Variants in RYR1 observed in about 807,000 individuals in gnomAD.
The protein encoded by RYR1 is central core disease of muscle.
A neutral mutation model predicts 583.5 loss-of-function variants in RYR1; 342 were observed. The ratio of observed to expected loss-of-function variants is 0.59; its 90% CI spans 0.54 to 0.64. The LOEUF is 0.64. Among genes scored for constraint, RYR1 ranks in the 30% least tolerant of loss-of-function variants. RYR1 has a pLI of 0.00. For missense variants in RYR1, 6,032 were observed against 6,917.2 expected, an observed-to-expected ratio of 0.87 and a Z score of 4.54; for synonymous variants, 2,791 against 2,822.5, an observed-to-expected ratio of 0.99 and a Z score of 0.35.
At position 38,516,171 on chromosome 19, in the gene RYR1, C is replaced by T; in HGVS notation, c.9639C>T (p.Tyr3213=). 1 of 1,565,314 alleles carries T rather than the reference C, an allele frequency of 6.4e-7. No individual in the cohort carries two copies. ...TCCTGGAGCCGCAGCTGAACGAGTA[C>T]AACGCCTGCTCCGTGTACACCACCA... is the stretch of plus-strand genomic sequence containing the variant. The part of the protein sequence containing the change: ...VAFLEPQLNE[Y]NACSVYTTKS... The change falls in exon 65 of 106, where the codon TAC becomes TAT. Residue 3213 remains tyrosine (Y), a synonymous_variant. Transcript: ENST00000359596.
Position 38,586,139 on chromosome 19 carries a change from C to G in RYR1, c.14917C>G (p.Pro4973Ala), listed in dbSNP as rs747622915. 6.2e-7 allele frequency: 1 copy of G among 1,614,026 alleles called. No homozygotes were observed. The highest frequency in any genetic ancestry group is 1.1e-5 in the South Asian group (1 of 91,086). The change falls in exon 104 of 106, where the codon CCG becomes GCG. Residue 4973 changes from proline (P) to alanine (A), a missense_variant. This residue lies in a region of RYR1 where 189 missense variants were observed against 350.3 expected (regional missense o/e 0.54). Coordinates refer to ENST00000359596, the MANE Select transcript of RYR1 (RefSeq NM_000540.3). Reference protein sequence around the residue: ...GIGSDYFDTTPHGFETHTLEE... With the variant: ...GIGSDYFDTTAHGFETHTLEE... ...CGGCAGTGACTACTTTGATACGACACCGCATGGCTTCGAGACTCACACGCT... is the reference window on the plus strand; with the variant it reads ...CGGCAGTGACTACTTTGATACGACAGCGCATGGCTTCGAGACTCACACGCT...
In RYR1 at chr19:38,441,511, C is replaced by T. The variant is rs577051627; in HGVS notation, c.165+647C>T. Among the ~76,000 whole-genome samples, 386 of 145,518 alleles carry T rather than the reference C, an allele frequency of 2.7e-3. 2 individuals carry two copies. Among genetic ancestry groups the T allele is most frequent in the Admixed American group, 4.4e-3 (64 of 14,514 alleles). Reference sequence around the variant, plus strand: ...TCTGAGGGAAGGTGATCCCCAAGTCCGAGCTCGGGAATTCTGAGGGTGGGG... The same window carrying T: ...TCTGAGGGAAGGTGATCCCCAAGTCTGAGCTCGGGAATTCTGAGGGTGGGG... On this transcript the variant is annotated intron_variant, in intron 2 of 105. Transcript: ENST00000359596.
intron 13 of RYR1, among the ~76,000 whole-genome samples, chr19:38,454,147 C>T (rs1205139970): frequency 6.6e-6 from 1 of 152,188 alleles, no homozygotes; most frequent in Admixed American, 6.5e-5. Context: ...AATGATTCTC[C>T]TGCCTCCTCA....
rs756487708 is a variant in RYR1, at chr19:38,517,533, G to A, written c.9860G>A (p.Arg3287His). The part of the protein sequence containing the change: ...LCSYLPRWWE[R>H]GPEAPPSALP... The stretch of plus-strand genomic sequence containing the variant: ...AGCTACCTGCCCCGATGGTGGGAGC[G>A]CGGGCCCGAGGCACCCCCTTCCGCC... The change falls in exon 66 of 106, where the codon CGC (arginine) becomes CAC (histidine). Residue 3287 changes from arginine to histidine, a missense_variant. By Grantham distance (29) the Arg-to-His change is conservative. This residue lies in a region of RYR1 where 1,493 missense variants were observed against 1,715.5 expected (regional missense o/e 0.87). Coordinates refer to ENST00000359596, the MANE Select transcript of RYR1 (RefSeq NM_000540.3). 1.2e-5 allele frequency: 19 copies of A among 1,613,844 alleles called. No individual in the cohort carries two copies. Among genetic ancestry groups the A allele is most frequent in the East Asian group, 4.5e-5 (2 of 44,868 alleles).
chr19:38,455,650 T>A lies in RYR1; in HGVS notation c.1690T>A (p.Tyr564Asn). 6.2e-7 allele frequency: 1 copy of A among 1,613,662 alleles called. No individual in the cohort carries two copies. The highest frequency in any genetic ancestry group is 8.5e-7 in the Non-Finnish European group (1 of 1,179,592). ...CCTGGCAGGCATCCTGGAGGTCCTG[T>A]ACTGTGTCCTCATTGAGAGTCCAGA... ...EASSGILEVL[Y>N]CVLIESPEVL... is the part of the protein sequence containing the mutation. The change falls in exon 16 of 106, where the codon TAC (tyrosine) becomes AAC (asparagine). Residue 564 changes from tyrosine to asparagine, a missense_variant. Tyr to Asn is a moderately radical substitution (Grantham distance 143, BLOSUM62 -2). Coordinates refer to ENST00000359596, the MANE Select transcript of RYR1 (RefSeq NM_000540.3).
Position 38,564,867 on chromosome 19 carries a change from C to T in RYR1, c.12625-92C>T, listed in dbSNP as rs991528162. ...ACAATGCATTTAGAACAGCGCCTGC[C>T]GCGGTGACCCCTTGTAGCTGCCACT... On this transcript the variant is annotated intron_variant, in intron 90 of 105. Coordinates refer to ENST00000359596, the MANE Select transcript of RYR1 (RefSeq NM_000540.3). The T allele has an allele frequency of 3.1e-5, 47 of 1,525,440 alleles. 1 individual carries two copies. The South Asian group carries it at 4.4e-4, about 14-fold the overall frequency. 94.5% of individuals were successfully genotyped at this position (1,525,440 alleles called of 1,614,324 possible).
At chr19:38,570,479 A>G in intron 93 of RYR1, 128 bp from the exon 94 acceptor site, 3 of 528,462 alleles carry the variant, frequency 5.7e-6, no homozygotes, top group Non-Finnish European at 1.0e-5. Flanking sequence ...TAATTAATAA[A>G]TAAATAGGAG....
At position 38,477,697 on chromosome 19, in the gene RYR1, C is replaced by T. The variant is rs1427898760; in HGVS notation, c.4294-13C>T. The stretch of plus-strand genomic sequence containing the variant: ...TCCAGACTGACCACTAGTTCCCCTC[C>T]TTGTGTCACCAGTACTATTACTCCG... On this transcript the variant is annotated splice_polypyrimidine_tract_variant and intron_variant, in intron 29 of 105. Transcript: ENST00000359596. 4 of 1,614,112 alleles carry T rather than the reference C, an allele frequency of 2.5e-6. No individual in the cohort carries two copies. In the South Asian group the frequency reaches 3.3e-5, roughly 13 times the overall value.
rs201360796 is a variant in RYR1, at chr19:38,580,339, C to T, written c.14512-31C>T. The T allele has an allele frequency of 8.7e-6, 14 of 1,612,602 alleles. No individual in the cohort carries two copies. The highest frequency in any genetic ancestry group is 2.2e-5 in the East Asian group (1 of 44,862). ...GGGTGGGGGGAGGGCAAGCCCAGGG[C>T]GGAGCTGACCTGGCCCCATCCTGCC... On this transcript the variant is annotated intron_variant, in intron 100 of 105. Transcript: ENST00000359596.
At chr19:38,448,237 G>A in intron 9 of RYR1, 118 bp from the exon 10 acceptor site, 1 of 1,178,384 alleles carries the variant, frequency 8.5e-7, no homozygotes, top group Non-Finnish European at 1.2e-6. Context: ...TTCAAGATCA[G>A]CTTGGGCAAC....
In RYR1 at chr19:38,469,020, G is replaced by A. The variant is rs765011921; in HGVS notation, c.3436G>A (p.Asp1146Asn). The A allele has an allele frequency of 2.5e-6, 4 of 1,614,128 alleles. No homozygotes were observed. The highest frequency in any genetic ancestry group is 4.5e-5 in the East Asian group (2 of 44,886). Reference sequence around the variant, plus strand: ...ATTTGGGCGCCCCTGGCAGCCGGGCGATGTCGTTGGCTGTATGATCGACCT... The same window carrying A: ...ATTTGGGCGCCCCTGGCAGCCGGGCAATGTCGTTGGCTGTATGATCGACCT... ...EPFGRPWQPGDVVGCMIDLTE... is the reference protein window; with the variant it reads ...EPFGRPWQPGNVVGCMIDLTE... The change falls in exon 26 of 106, where the codon GAT becomes AAT. Residue 1146 changes from aspartate (D) to asparagine (N), a missense_variant. Coordinates refer to ENST00000359596, the MANE Select transcript of RYR1 (RefSeq NM_000540.3).
Position 38,505,803 on chromosome 19 carries a change from C to A in RYR1, c.8401-3C>A. The A allele has an allele frequency of 6.2e-7, 1 of 1,614,084 alleles. No individual in the cohort carries two copies. The highest frequency in any genetic ancestry group is 1.6e-4 in the Middle Eastern group (1 of 6,062). ...CAACTCCCCACCCTCCTGTCCACCC[C>A]AGGACAAAGAGATTTACCGCTGGCC... On this transcript the variant is annotated splice_region_variant and splice_polypyrimidine_tract_variant and intron_variant, in intron 53 of 105. Coordinates refer to ENST00000359596, the MANE Select transcript of RYR1 (RefSeq NM_000540.3).
At position 38,565,848 on chromosome 19, in the gene RYR1, GACACACACA is replaced by G; in HGVS notation, c.13437+78_13437+86del. On this transcript the variant is annotated intron_variant, in intron 91 of 105. Coordinates refer to ENST00000359596, the MANE Select transcript of RYR1 (RefSeq NM_000540.3). This position sits in a 1 kb window ranked among gnomAD's most constrained non-coding sequence, Gnocchi z 4.7. ...GAGGAAGAGAGCCCGGCTGGGTGGAGACACACACAGAGGAGAGAACTGGCTAGGGGGATG... is the reference window on the plus strand; with the variant it reads ...GAGGAAGAGAGCCCGGCTGGGTGGAGGAGGAGAGAACTGGCTAGGGGGATG... 7.5e-7 allele frequency: 1 copy of G among 1,337,614 alleles called. No individual in the cohort carries two copies. Among genetic ancestry groups the G allele is most frequent in the African/African-American group, 1.5e-5 (1 of 64,876 alleles). The allele number at this position is 1,337,614 out of a possible 1,614,324, so 82.9% of individuals were successfully genotyped here. A position where few individuals can be genotyped will look rare whatever the true frequency, so the allele number is the denominator to read the frequency against.
At position 38,512,634 on chromosome 19, in the gene RYR1, G is replaced by C; in HGVS notation, c.9472+151G>C. On this transcript the variant is annotated intron_variant, in intron 63 of 105. Coordinates refer to ENST00000359596, the MANE Select transcript of RYR1 (RefSeq NM_000540.3). This position sits in a 1 kb window ranked among gnomAD's most constrained non-coding sequence, Gnocchi z 5.1. ...GTCAGTACCTTGGCAGGTGGCAAAT[G>C]AGTTAATGAGGACGCGAGCTCAGCA... 1 of 768,866 alleles carries C rather than the reference G, an allele frequency of 1.3e-6. No individual in the cohort carries two copies. The highest frequency in any genetic ancestry group is 2.2e-6 in the Non-Finnish European group (1 of 451,344). The allele number at this position is 768,866 out of a possible 1,614,324, so 47.6% of individuals were successfully genotyped here.
intron 105 of RYR1, among the ~76,000 whole-genome samples, 166 bp from the exon 106 acceptor site, chr19:38,587,159 C>A (rs1297632193): frequency 2.6e-5 from 4 of 151,828 alleles, no homozygotes; most frequent in Non-Finnish European, 5.9e-5. Flanking sequence ...ACTCTGGAGA[C>A]TGAGGTGGAG....
intron 89 of RYR1, among the ~76,000 whole-genome samples, chr19:38,553,714 T>G (rs929774288): frequency 6.6e-6 from 1 of 152,182 alleles, no homozygotes; most frequent in East Asian, 1.9e-4. Flanking sequence ...CTCCTGCTCT[T>G]TTCCAATCCA....
At position 38,506,869 on chromosome 19, in the gene RYR1, C is replaced by A. The variant is rs200427576; in HGVS notation, c.8733C>A (p.Leu2911=). The A allele has an allele frequency of 1.6e-4, 255 of 1,614,008 alleles. No homozygotes were observed. The highest frequency in any genetic ancestry group is 4.7e-4 in the East Asian group (21 of 44,870). The stretch of plus-strand genomic sequence containing the variant: ...CCCTGCTGGTCCCCTACGACACGCT[C>A]ACGGCCAAGGAGAAGGCACGAGATC... ...THPLLVPYDT[L]TAKEKARDRE... is the part of the protein sequence containing the mutation. The change falls in exon 57 of 106, where the codon CTC becomes CTA. Residue 2911 remains leucine (L), a synonymous_variant. Transcript: ENST00000359596.
chr19:38,568,009 A>T (rs1716220119), intron 93 of RYR1, 92 bp downstream of exon 93: 1 of 1,457,354 alleles, frequency 6.9e-7, no homozygotes, highest in Non-Finnish European at 9.5e-7. Context: ...TCTTGAGTTC[A>T]TCTGTTCAAG....
At position 38,510,733 on chromosome 19, in the gene RYR1, T is replaced by C. The variant is rs1568519365; in HGVS notation, c.9074T>C (p.Leu3025Pro). 2 of 1,614,206 alleles carry C rather than the reference T, an allele frequency of 1.2e-6. No individual in the cohort carries two copies. The highest frequency in any genetic ancestry group is 1.1e-5 in the South Asian group (1 of 91,084). Residue 3025 changes from leucine to proline, a missense_variant, in exon 60 of 106, where the codon CTG becomes CCG. Transcript: ENST00000359596. ...LYFLSTPAKV[L>P]GSGGHASNKE... The stretch of plus-strand genomic sequence containing the variant: ...TTCTTGTCCACTCCGGCTAAAGTGC[T>C]GGGCAGCGGTGGCCACGCCTCTAAC...
Sources: allele counts gnomAD v4.1 joint callset (sites outside exome capture counted in the v4.1 genomes callset), GRCh38; gene constraint gnomAD v4.1.1; regional missense constraint gnomAD v4.1.1; non-coding constraint Gnocchi (gnomAD v3.1); transcripts MANE v1.5; gene names NCBI Gene and HGNC (gene_info 2026-07-23, HGNC 2026-07-21).